The following PCDH9 variants were observed in gnomAD, a reference collection of about 807,000 sequenced individuals.
PCDH9 encodes the protein protocadherin-9.
Under a neutral mutation model 70.6 loss-of-function variants are expected in PCDH9, and 24 were observed. The ratio of observed to expected loss-of-function variants is 0.34; its 90% confidence interval spans 0.25 to 0.48. The LOEUF (loss-of-function observed/expected upper bound fraction) is 0.48, where lower values mean the gene tolerates loss of function less well. Ranked by LOEUF, PCDH9 falls within the 20% of genes least tolerant of loss-of-function variation. The pLI is 0.99. For synonymous variants in PCDH9, 562 were observed against 558.5 expected (o/e 1.01, Z -0.09); for missense variants, 1,281 against 1,503.6 (o/e 0.85, Z 2.45).
At chr13:66,379,962 T>C (rs891875607) in intron 4 of PCDH9, among the ~76,000 whole-genome samples, 2 of 152,012 alleles carry the variant, frequency 1.3e-5, no homozygotes, top group Admixed American at 6.6e-5. Context: ...CAAAATTAGG[T>C]TGTCAATTTT....
intron 4 of PCDH9, among the ~76,000 whole-genome samples, chr13:66,564,997 G>A (rs2076632465): frequency 6.6e-6 from 1 of 151,850 alleles, no homozygotes; most frequent in Non-Finnish European, 1.5e-5. Context: ...TCTTCCCTTA[G>A]GAAGCTATAC....
intron 2 of PCDH9, among the ~76,000 whole-genome samples, chr13:67,073,835 A>C (rs1458734319): frequency 6.6e-6 from 1 of 152,100 alleles, no homozygotes; most frequent in Non-Finnish European, 1.5e-5. Context: ...CCAGGTTTTC[A>C]ACATAAAAAA....
intron 3 of PCDH9, among the ~76,000 whole-genome samples, chr13:66,824,696 A>G (rs920834369): frequency 2.7e-5 from 3 of 112,974 alleles, no homozygotes; most frequent in Admixed American, 8.6e-5. Context: ...ATATATATAT[A>G]TGCACACACA....
chr13:67,055,136 C>T (rs1594448335), intron 2 of PCDH9, among the ~76,000 whole-genome samples: 1 of 152,036 alleles, frequency 6.6e-6, no homozygotes, highest in Non-Finnish European at 1.5e-5. Context: ...TTCATTCTAT[C>T]TGGGCTTTTC....
At chr13:66,921,458 G>C (rs2082635275) in intron 2 of PCDH9, among the ~76,000 whole-genome samples, 1 of 151,166 alleles carries the variant, frequency 6.6e-6, no homozygotes. Flanking sequence ...CAAAACTAGA[G>C]TGAAGGGTTG....
intron 4 of PCDH9, among the ~76,000 whole-genome samples, chr13:66,345,805 G>T (rs74093057): frequency 3.2e-4 from 48 of 152,202 alleles, no homozygotes; most frequent in African/African-American, 1.2e-3. Flanking sequence ...AAAAACAATT[G>T]TCATGTCATC....
intron 4 of PCDH9, among the ~76,000 whole-genome samples, chr13:66,547,121 A>G (rs61955989): frequency 0.043 from 6,478 of 152,326 alleles, 191 homozygotes; most frequent in Middle Eastern, 0.082. Context: ...ACCAAACTTT[A>G]TAGAAATGAA....
chr13:66,537,099 G>A (rs1960737329), intron 4 of PCDH9, among the ~76,000 whole-genome samples: 1 of 152,106 alleles, frequency 6.6e-6, no homozygotes, highest in Non-Finnish European at 1.5e-5. Context: ...ATAACTGAAT[G>A]CATAGCTATC....
intron 4 of PCDH9, among the ~76,000 whole-genome samples, chr13:66,464,277 C>T (rs925952959): frequency 1.3e-5 from 2 of 151,378 alleles, no homozygotes; most frequent in African/African-American, 2.4e-5. Flanking sequence ...TGATCAATGG[C>T]ATTCACCTTC....
intron 3 of PCDH9, among the ~76,000 whole-genome samples, chr13:66,641,353 C>T (rs750110468): frequency 6.6e-6 from 1 of 152,110 alleles, no homozygotes; most frequent in African/African-American, 2.4e-5. Context: ...CAAGCAGTCA[C>T]GTTAAAGAAC....
At chr13:67,083,439 T>C (rs2086027587) in intron 2 of PCDH9, among the ~76,000 whole-genome samples, 1 of 152,146 alleles carries the variant, frequency 6.6e-6, no homozygotes, top group South Asian at 2.1e-4. Context: ...TATATCAATT[T>C]AAAAAGTCAA....
At chr13:66,341,380 C>T (rs1227843464) in intron 4 of PCDH9, among the ~76,000 whole-genome samples, 1 of 152,146 alleles carries the variant, frequency 6.6e-6, no homozygotes, top group Admixed American at 6.5e-5. Flanking sequence ...AAGCATGAGC[C>T]ACCATGCCTG....
intron 2 of PCDH9, among the ~76,000 whole-genome samples, chr13:67,107,569 T>C (rs1243261633): frequency 6.6e-6 from 1 of 152,118 alleles, no homozygotes; most frequent in Non-Finnish European, 1.5e-5. Context: ...CTGGACATTG[T>C]TGGGAGGACC....
intron 4 of PCDH9, among the ~76,000 whole-genome samples, chr13:66,573,806 C>T (rs1262729986): frequency 6.6e-6 from 1 of 152,042 alleles, no homozygotes; most frequent in African/African-American, 2.4e-5. Flanking sequence ...ATGCAATTAT[C>T]AGTCAATATT....
chr13:66,970,644 C>CA (rs67043290), intron 2 of PCDH9, among the ~76,000 whole-genome samples: 1,839 of 117,038 alleles, frequency 0.016, 48 homozygotes, highest in African/African-American at 0.055. Context: ...AAAAAAAAAG[C>CA]AAAAAAAAAA....
chr13:66,983,267 T>C (rs2083813810), intron 2 of PCDH9, among the ~76,000 whole-genome samples: 1 of 151,736 alleles, frequency 6.6e-6, no homozygotes, highest in Admixed American at 6.6e-5. Flanking sequence ...AAATAATAAA[T>C]GAGATTAGGC....
chr13:67,117,053 T>A (rs965844738), intron 2 of PCDH9, among the ~76,000 whole-genome samples: 1 of 152,106 alleles, frequency 6.6e-6, no homozygotes, highest in Non-Finnish European at 1.5e-5. Context: ...ATTCTTAGAA[T>A]AGATCCAATC....
intron 2 of PCDH9, among the ~76,000 whole-genome samples, chr13:67,048,033 T>TATGTC: frequency 6.6e-6 from 1 of 152,340 alleles, no homozygotes. Context: ...ATGTTCCTGC[T>TATGTC]ATGTCTGCCA....
chr13:66,400,851 C>T (rs1163527570), intron 4 of PCDH9, among the ~76,000 whole-genome samples: 3 of 152,058 alleles, frequency 2.0e-5, no homozygotes, highest in African/African-American at 7.2e-5. Context: ...TAGTGGATTC[C>T]AAGACTCTTC....
Sources: allele counts gnomAD v4.1 joint callset (sites outside exome capture counted in the v4.1 genomes callset), GRCh38; gene constraint gnomAD v4.1.1; transcripts MANE v1.5; gene names NCBI Gene and HGNC (gene_info 2026-07-23, HGNC 2026-07-21).